KIF16B: variants seen among roughly 807,000 people sequenced by gnomAD.
KIF16B encodes the protein kinesin family member 16B.
In KIF16B, 98 loss-of-function variants were observed where a neutral mutation model predicts 156.3. The ratio of observed to expected loss-of-function variants is 0.63; its 90% CI spans 0.53 to 0.74. The LOEUF (loss-of-function observed/expected upper bound fraction) is 0.74. Among genes scored for constraint, KIF16B ranks in the 30% least tolerant of loss-of-function variants. The pLI is 0.00. For synonymous variants in KIF16B, 564 were observed against 583.7 expected (o/e 0.97, Z 0.49); for missense variants, 1,421 against 1,606.5 (o/e 0.88, Z 1.97).
intron 6 of KIF16B, among the ~76,000 whole-genome samples, chr20:16,508,978 C>T (rs1395567567): frequency 6.6e-6 from 1 of 152,300 alleles, no homozygotes; most frequent in East Asian, 1.9e-4. Context: ...CTCCCCACTT[C>T]CCCTTCTGTC....
At chr20:16,362,067 T>C (rs2064562303) in intron 22 of KIF16B, among the ~76,000 whole-genome samples, 2 of 152,212 alleles carry the variant, frequency 1.3e-5, no homozygotes, top group South Asian at 4.1e-4. Context: ...TAAGTGGCTC[T>C]CACTATTAAG....
chr20:16,527,512 C>G (rs942574451), intron 2 of KIF16B, among the ~76,000 whole-genome samples: 2 of 152,218 alleles, frequency 1.3e-5, no homozygotes, highest in East Asian at 3.8e-4. Context: ...AAGTTAATGA[C>G]AAATATCAAA....
intron 12 of KIF16B, among the ~76,000 whole-genome samples, chr20:16,431,492 C>T (rs551747986): frequency 1.3e-5 from 2 of 152,280 alleles, no homozygotes; most frequent in East Asian, 1.9e-4. Flanking sequence ...GCACTCACTG[C>T]GGTTCCTACT....
chr20:16,477,562 C>A lies in KIF16B; in HGVS notation c.1302+16729G>T, dbSNP rs976700994. ...ATCATCTAAAGTCTCTTAATAAAGA[C>A]GTTCAGAAATCATGTTATTTAAGGG... is the stretch of plus-strand genomic sequence containing the variant. On this transcript the variant is annotated intron_variant, in intron 12 of 25. Transcript: ENST00000354981. Among the ~76,000 whole-genome samples the A allele has an allele frequency of 2.0e-5, 3 of 152,130 alleles. No homozygotes were observed. The South Asian group carries it at 6.2e-4, about 31-fold the overall frequency.
Position 16,573,255 on chromosome 20 carries a change from G to A in KIF16B, c.21C>T (p.Ala7=), listed in dbSNP as rs777930582. The change falls in exon 1 of 26, where the codon GCC becomes GCT. Residue 7 remains alanine (A), a synonymous_variant. Coordinates refer to ENST00000354981, the MANE Select transcript of KIF16B (RefSeq NM_024704.5). MASVKV[A]VRVRPMNRRE... ...TGCGATTCATGGGCCGGACCCTCAC[G>A]GCCACCTTGACCGATGCCATCGCTC... The A allele has an allele frequency of 4.4e-6, 7 of 1,607,020 alleles. No homozygotes were observed. Among genetic ancestry groups the A allele is most frequent in the Non-Finnish European group, 5.1e-6 (6 of 1,177,874 alleles).
At chr20:16,465,254 C>A (rs2067458589) in intron 12 of KIF16B, among the ~76,000 whole-genome samples, 1 of 152,148 alleles carries the variant, frequency 6.6e-6, no homozygotes, top group African/African-American at 2.4e-5. Context: ...CAAACCAATT[C>A]CACAGTGAGT....
At chr20:16,482,867 C>G (rs2146850472) in intron 12 of KIF16B, among the ~76,000 whole-genome samples, 1 of 152,212 alleles carries the variant, frequency 6.6e-6, no homozygotes, top group East Asian at 1.9e-4. Flanking sequence ...TCCCCCAACC[C>G]CAGCTCACAG....
intron 13 of KIF16B, 54 bp from the exon 14 acceptor site, chr20:16,429,058 T>C (rs2066431958): frequency 1.4e-6 from 2 of 1,430,074 alleles, no homozygotes; most frequent in African/African-American, 1.4e-5. Flanking sequence ...GAATAGCTTG[T>C]TTCTTCATTT....
At chr20:16,402,338 C>T (rs1278522193) in intron 17 of KIF16B, among the ~76,000 whole-genome samples, 1 of 152,198 alleles carries the variant, frequency 6.6e-6, no homozygotes, top group East Asian at 1.9e-4. Context: ...CTGTGTCTCT[C>T]CTCCAACAAG....
intron 15 of KIF16B, among the ~76,000 whole-genome samples, chr20:16,417,865 T>C (rs985844924): frequency 1.3e-5 from 2 of 151,800 alleles, no homozygotes; most frequent in Non-Finnish European, 2.9e-5. Context: ...TAAAAATAGG[T>C]AAACAGAGCC....
chr20:16,508,945 G>T (rs6135770), intron 6 of KIF16B, among the ~76,000 whole-genome samples: 2 of 152,010 alleles, frequency 1.3e-5, no homozygotes, highest in Admixed American at 6.6e-5. Flanking sequence ...CTGTGTAAAA[G>T]GTCCCCCGTC....
intron 1 of KIF16B, among the ~76,000 whole-genome samples, chr20:16,532,089 T>A (rs2069777212): frequency 6.8e-6 from 1 of 146,908 alleles, no homozygotes; most frequent in Non-Finnish European, 1.5e-5. Context: ...AAAAAAAAAT[T>A]ATAACTTACG....
intron 22 of KIF16B, chr20:16,368,182 G>A (rs751318659): frequency 1.1e-4 from 123 of 1,082,762 alleles, no homozygotes; most frequent in Non-Finnish European, 1.3e-4. Flanking sequence ...CATTTGGTCC[G>A]GGAATTGCAC....
intron 25 of KIF16B, among the ~76,000 whole-genome samples, chr20:16,282,367 C>T (rs1336336799): frequency 6.6e-6 from 1 of 152,054 alleles, no homozygotes; most frequent in Non-Finnish European, 1.5e-5. Flanking sequence ...CTACTCAGTT[C>T]TTGTGCCAAG....
intron 22 of KIF16B, chr20:16,367,466 T>A: frequency 6.2e-7 from 1 of 1,612,918 alleles, no homozygotes. Context: ...CGAGATCGAA[T>A]GCGTGGATAA....
intron 17 of KIF16B, among the ~76,000 whole-genome samples, chr20:16,401,249 G>A (rs78509752): frequency 0.018 from 2,665 of 152,254 alleles, 83 homozygotes; most frequent in African/African-American, 0.061. Flanking sequence ...AAAACAGATT[G>A]CTTCTCCCGA....
chr20:16,378,749 A>T (rs2065011901), intron 19 of KIF16B, 56 bp downstream of exon 19: 2 of 1,495,502 alleles, frequency 1.3e-6, no homozygotes, highest in South Asian at 2.7e-5. Context: ...GAGGAGTGAA[A>T]AATGAGCACT....
chr20:16,357,528 C>T (rs1373258605), intron 22 of KIF16B, among the ~76,000 whole-genome samples: 2 of 152,170 alleles, frequency 1.3e-5, no homozygotes, highest in Admixed American at 6.5e-5. Flanking sequence ...GAACACTTCA[C>T]ACATATGTAG....
chr20:16,479,987 G>A (rs1459131652), intron 12 of KIF16B, among the ~76,000 whole-genome samples: 1 of 152,196 alleles, frequency 6.6e-6, no homozygotes, highest in African/African-American at 2.4e-5. Flanking sequence ...CTCCCTTGGA[G>A]GGAGGAGGAG....
Sources: gnomAD v4.1 joint callset for allele counts (sites outside exome capture counted in the v4.1 genomes callset) on GRCh38, gnomAD v4.1.1 for gene constraint, MANE v1.5 for transcripts, NCBI Gene and HGNC (gene_info 2026-07-23, HGNC 2026-07-21) for gene names.